OPCML: variants seen among roughly 807,000 people sequenced by gnomAD.
OPCML encodes opioid-binding protein/cell adhesion molecule.
Under a neutral mutation model 37.8 loss-of-function variants are expected in OPCML, and 13 were observed. That is an observed-to-expected ratio of 0.34 (90% CI 0.22 to 0.55). The LOEUF is 0.55. Ranked by LOEUF, OPCML falls within the 20% of genes least tolerant of loss-of-function variation. The pLI, the probability that OPCML is intolerant of heterozygous loss-of-function variation, is 0.91. For synonymous variants in OPCML, 176 were observed against 168.8 expected, an observed-to-expected ratio of 1.04 and a Z score of -0.33; for missense variants, 341 against 435.6, an observed-to-expected ratio of 0.78 and a Z score of 1.93.
At chr11:132,484,047 A>T (rs2096190746) in intron 4 of OPCML, among the ~76,000 whole-genome samples, 2 of 152,226 alleles carry the variant, frequency 1.3e-5, no homozygotes, top group Non-Finnish European at 2.9e-5. Context: ...CAATGGCAAC[A>T]AAAGCCAAAA....
intron 1 of OPCML, among the ~76,000 whole-genome samples, chr11:133,284,270 G>C (rs2136516845): frequency 6.6e-6 from 1 of 152,276 alleles, no homozygotes; most frequent in South Asian, 2.1e-4. Context: ...GACAGCCTCA[G>C]GATGGCCTGT....
At chr11:132,476,763 C>A (rs2096157530) in intron 4 of OPCML, among the ~76,000 whole-genome samples, 1 of 151,552 alleles carries the variant, frequency 6.6e-6, no homozygotes, top group South Asian at 2.1e-4. Context: ...ATGGGTGCAG[C>A]ACACCAACAT....
chr11:133,367,185 G>C (rs1474683519), intron 1 of OPCML, among the ~76,000 whole-genome samples: 2 of 152,064 alleles, frequency 1.3e-5, no homozygotes, highest in Non-Finnish European at 2.9e-5. Flanking sequence ...CACCATGTTG[G>C]CTAGGATGGT....
intron 1 of OPCML, among the ~76,000 whole-genome samples, chr11:133,142,420 C>T (rs1231457724): frequency 2.0e-5 from 3 of 152,192 alleles, no homozygotes; most frequent in Non-Finnish European, 2.9e-5. Context: ...CACACTGGAG[C>T]CTAAACTCTG....
In OPCML at chr11:133,407,304, C is replaced by G. The variant is rs181699250; in HGVS notation, c.61+124960G>C. On this transcript the variant is annotated intron_variant, in intron 1 of 7. Coordinates refer to ENST00000524381, the MANE Select transcript of OPCML (RefSeq NM_001012393.5). ...CCTGGAGTTAGGATTAGAGGGTTAA[C>G]TAGAGTCTTCAATCTTTAGATATAG... is the stretch of plus-strand genomic sequence containing the variant. Among the ~76,000 whole-genome samples the G allele has an allele frequency of 4.0e-4, 61 of 152,222 alleles. No homozygotes were observed. The East Asian group carries it at 9.9e-3, about 25-fold the overall frequency.
At chr11:133,199,930 G>A (rs1473905351) in intron 1 of OPCML, among the ~76,000 whole-genome samples, 1 of 152,122 alleles carries the variant, frequency 6.6e-6, no homozygotes, top group Admixed American at 6.5e-5. Context: ...TGAAATGAAG[G>A]AATAAACAAA....
At chr11:132,970,294 CAG>C (rs1453535236) in intron 1 of OPCML, among the ~76,000 whole-genome samples, 1 of 152,042 alleles carries the variant, frequency 6.6e-6, no homozygotes, top group Non-Finnish European at 1.5e-5. Flanking sequence ...TATTTATACT[CAG>C]AGAAGTTTTA....
At chr11:133,063,395 C>T (rs941635127) in intron 1 of OPCML, among the ~76,000 whole-genome samples, 3 of 152,132 alleles carry the variant, frequency 2.0e-5, no homozygotes, top group Non-Finnish European at 4.4e-5. Flanking sequence ...AGAAAAGGTC[C>T]CAGGGAGCCA....
At chr11:133,433,007 T>C (rs1946156293) in intron 1 of OPCML, among the ~76,000 whole-genome samples, 1 of 152,238 alleles carries the variant, frequency 6.6e-6, no homozygotes, top group Non-Finnish European at 1.5e-5. Context: ...TCTAGATTTT[T>C]GGTATTTATT....
At chr11:133,489,174 A>G (rs1364993720) in intron 1 of OPCML, among the ~76,000 whole-genome samples, 1 of 152,100 alleles carries the variant, frequency 6.6e-6, no homozygotes, top group Non-Finnish European at 1.5e-5. Flanking sequence ...TAGGCAAAGA[A>G]TTTATGACCA....
At chr11:133,229,574 C>T (rs1940188140) in intron 1 of OPCML, among the ~76,000 whole-genome samples, 1 of 151,910 alleles carries the variant, frequency 6.6e-6, no homozygotes, top group Admixed American at 6.6e-5. Context: ...TTTTCCCTCA[C>T]CGTTCTCAAA....
At chr11:132,715,208 C>T (rs533686) in intron 2 of OPCML, among the ~76,000 whole-genome samples, 110,424 of 152,112 alleles carry the variant, frequency 0.73, 40,275 homozygotes, top group Middle Eastern at 0.84. Flanking sequence ...TGGCTTTTCA[C>T]TGGGAATAGT....
chr11:133,171,295 C>A (rs187731144), intron 1 of OPCML, among the ~76,000 whole-genome samples: 15 of 152,156 alleles, frequency 9.9e-5, no homozygotes, highest in Non-Finnish European at 2.1e-4. Flanking sequence ...GCTTTCTCGA[C>A]CCTCTTCTTG....
intron 1 of OPCML, among the ~76,000 whole-genome samples, chr11:133,297,028 A>G (rs1274453908): frequency 6.6e-6 from 1 of 152,184 alleles, no homozygotes; most frequent in East Asian, 1.9e-4. Context: ...TCATACCTCC[A>G]TGTGCCCCGC....
intron 2 of OPCML, among the ~76,000 whole-genome samples, chr11:132,718,605 C>T (rs1302663549): frequency 1.3e-5 from 2 of 152,144 alleles, no homozygotes; most frequent in South Asian, 2.1e-4. Context: ...CGCTGGCTGA[C>T]GTGTCCATAC....
intron 2 of OPCML, among the ~76,000 whole-genome samples, chr11:132,901,834 T>G (rs957227269): frequency 1.3e-5 from 2 of 152,200 alleles, no homozygotes; most frequent in African/African-American, 2.4e-5. Context: ...GCATCTTGAT[T>G]TACACGTGAC....
At chr11:132,694,023 C>T (rs1943506549) in intron 2 of OPCML, among the ~76,000 whole-genome samples, 1 of 152,072 alleles carries the variant, frequency 6.6e-6, no homozygotes, top group South Asian at 2.1e-4. Flanking sequence ...ACAAACCACA[C>T]TCTCTGCAGG....
At chr11:133,461,067 G>GA (rs1214886290) in intron 1 of OPCML, among the ~76,000 whole-genome samples, 4 of 151,676 alleles carry the variant, frequency 2.6e-5, no homozygotes, top group Non-Finnish European at 4.4e-5. Flanking sequence ...CAACAAACTA[G>GA]AAAAAAATCT....
chr11:133,209,185 C>T (rs1488425394), intron 1 of OPCML, among the ~76,000 whole-genome samples: 1 of 152,148 alleles, frequency 6.6e-6, no homozygotes, highest in Non-Finnish European at 1.5e-5. Context: ...GTCTATTTCC[C>T]TTGACAGATT....
Sources: gnomAD v4.1 joint callset for allele counts (sites outside exome capture counted in the v4.1 genomes callset) on GRCh38, gnomAD v4.1.1 for gene constraint, MANE v1.5 for transcripts, NCBI Gene and HGNC (gene_info 2026-07-23, HGNC 2026-07-21) for gene names.